Variants in UPF2 observed in about 807,000 individuals in gnomAD.
UPF2 encodes UPF2 regulator of nonsense mediated mRNA decay, also known as regulator of nonsense transcripts 2.
UPF2 carries 17 observed loss-of-function variants against 141.4 expected under a neutral mutation model. The ratio of observed to expected loss-of-function variants is 0.12; its 90% CI spans 0.08 to 0.18. The LOEUF (loss-of-function observed/expected upper bound fraction) is 0.18, where lower values mean the gene tolerates loss of function less well. Ranked by LOEUF, UPF2 falls within the 10% of genes least tolerant of loss-of-function variation. The probability of loss-of-function intolerance (pLI) is 1.00; values close to 1 mark genes in which losing one functional copy is unlikely to be tolerated. For synonymous variants in UPF2, 540 were observed against 498.0 expected (o/e 1.08, Z -1.12); for missense variants, 1,152 against 1,515.9 (o/e 0.76, Z 3.99).
rs138138517 is a variant in UPF2 at position 11,979,523 on chromosome 10, C to T, written c.1845-358G>A. ...TGCATATTTACAAATCTCAAGGTAA[C>T]TTCTCTAGTGCAAGACAAAATCCTT... On this transcript the variant is annotated intron_variant, in intron 8 of 21. Coordinates refer to ENST00000357604, the MANE Select transcript of UPF2 (RefSeq NM_015542.4). The surrounding 1 kb of genome is among the most constrained non-coding windows in gnomAD (Gnocchi z 6.2). Among the ~76,000 whole-genome samples the T allele has an allele frequency of 4.1e-3, 628 of 152,292 alleles. 5 individuals are homozygous for T. Among genetic ancestry groups the T allele is most frequent in the African/African-American group, 0.014 (591 of 41,554 alleles).
chr10:11,942,766 T>G lies in UPF2; in HGVS notation c.3280-3A>C. ...CCACCGCCTTTAATCATTACCTCCT[T>G]ATTAAAACAAAACAACAAAATCAGA... On this transcript the variant is annotated splice_region_variant and splice_polypyrimidine_tract_variant and intron_variant, in intron 17 of 21. Coordinates refer to ENST00000357604, the MANE Select transcript of UPF2 (RefSeq NM_015542.4). The G allele has an allele frequency of 6.2e-7, 1 of 1,612,240 alleles. No individual in the cohort carries two copies. Among genetic ancestry groups the G allele is most frequent in the Non-Finnish European group, 8.5e-7 (1 of 1,179,138 alleles).
intron 9 of UPF2, among the ~76,000 whole-genome samples, chr10:11,972,242 T>C (rs954838407): frequency 3.3e-5 from 5 of 152,214 alleles, no homozygotes; most frequent in Admixed American, 3.3e-4. Context: ...AGAGATTTTC[T>C]ATCTTCCATA....
chr10:12,013,104 G>A (rs1324986591), intron 4 of UPF2, among the ~76,000 whole-genome samples: 21 of 146,664 alleles, frequency 1.4e-4, no homozygotes, highest in African/African-American at 4.8e-4. Context: ...CAGCCTGAGC[G>A]ACAGAGCAAG....
Position 11,921,123 on chromosome 10 carries a change from G to C in UPF2, c.*175C>G, listed in dbSNP as rs1270531156. 5 of 867,672 alleles carry C rather than the reference G, an allele frequency of 5.8e-6. No homozygotes were observed. The highest frequency in any genetic ancestry group is 1.0e-5 in the Non-Finnish European group (5 of 499,506). 53.7% of individuals were successfully genotyped at this position (867,672 alleles called of 1,614,324 possible). Reference sequence around the variant, plus strand: ...TGTCTGGAAGCGTCGGCTTGTTCCGGTGTTGGCAGAGGCTGGTGTTTCTGC... The same window carrying C: ...TGTCTGGAAGCGTCGGCTTGTTCCGCTGTTGGCAGAGGCTGGTGTTTCTGC... On this transcript the variant is annotated 3_prime_UTR_variant, in exon 22 of 22. Coordinates refer to ENST00000357604, the MANE Select transcript of UPF2 (RefSeq NM_015542.4). The surrounding 1 kb of genome is among the most constrained non-coding windows in gnomAD (Gnocchi z 5.9).
Position 11,967,427 on chromosome 10 carries a change from C to A in UPF2, c.1981G>T (p.Glu661Ter). 1 of 1,575,282 alleles carries A rather than the reference C, an allele frequency of 6.3e-7. No individual in the cohort carries two copies. Residue 661 changes from glutamate to a stop codon, truncating the protein, a stop_gained, in exon 10 of 22, where the codon GAA (glutamate) becomes TAA (stop). Transcript: ENST00000357604. LOFTEE classifies it high-confidence loss of function. ...HVRKKDQINI[E>*]TKNKTVRFIG... is the part of the protein sequence containing the mutation. ...AAACGAACAGTTTTATTCTTTGTTT[C>A]AATATTGATCTGGTCCTTTTTCCGT...
In UPF2 at chr10:11,972,038, C is replaced by T. The variant is rs1369905654; in HGVS notation, c.1954-4584G>A. Among the ~76,000 whole-genome samples the T allele has an allele frequency of 6.3e-5, 9 of 143,348 alleles. No homozygotes were observed. In the South Asian group the frequency reaches 6.6e-4, roughly 10 times the overall value. 94.0% of individuals were successfully genotyped at this position (143,348 alleles called of 152,430 possible). A position where few individuals can be genotyped will look rare whatever the true frequency, so the allele number is the denominator to read the frequency against. ...AAGATCGCACCACTGTACTCTGGCC[C>T]GGATAACAGAGCAAGACTCTGTCTC... On this transcript the variant is annotated intron_variant, in intron 9 of 21. Coordinates refer to ENST00000357604, the MANE Select transcript of UPF2 (RefSeq NM_015542.4).
At position 11,920,396 on chromosome 10, in the gene UPF2, C is replaced by T. The variant is rs1187522961; in HGVS notation, c.*902G>A. 6.6e-6 allele frequency: 1 copy of T among 152,094 alleles called. No individual in the cohort carries two copies. The highest frequency in any genetic ancestry group is 2.4e-5 in the African/African-American group (1 of 41,426). 9.4% of individuals were successfully genotyped at this position (152,094 alleles called of 1,614,324 possible). ...AGCAAAATAAAAGCTCTACTTGTTT[C>T]CATACTTTGTTTAGAGACAGAGGCT... On this transcript the variant is annotated 3_prime_UTR_variant, in exon 22 of 22. Coordinates refer to ENST00000357604, the MANE Select transcript of UPF2 (RefSeq NM_015542.4).
intron 3 of UPF2, among the ~76,000 whole-genome samples, chr10:12,024,325 G>C (rs745801639): frequency 6.6e-6 from 1 of 151,972 alleles, no homozygotes; most frequent in Non-Finnish European, 1.5e-5. Flanking sequence ...AGTTTGGGAT[G>C]GGGGGTGGGC....
At chr10:12,005,638 A>G (rs543848999) in intron 4 of UPF2, among the ~76,000 whole-genome samples, 1 of 152,248 alleles carries the variant, frequency 6.6e-6, no homozygotes, top group Non-Finnish European at 1.5e-5. Context: ...GCGCAACATC[A>G]GCTCACTGCA....
At chr10:11,991,381 T>C (rs1484305909) in intron 8 of UPF2, among the ~76,000 whole-genome samples, 3 of 152,150 alleles carry the variant, frequency 2.0e-5, no homozygotes, top group Admixed American at 6.6e-5. Context: ...ATATGCATCA[T>C]TGGGGTACCT....
intron 3 of UPF2, among the ~76,000 whole-genome samples, chr10:12,027,506 T>C (rs1834441593): frequency 6.6e-6 from 1 of 152,232 alleles, no homozygotes; most frequent in Non-Finnish European, 1.5e-5. Flanking sequence ...GTGAGAAGTA[T>C]GAATAAAGCA....
intron 4 of UPF2, among the ~76,000 whole-genome samples, chr10:12,009,135 T>C (rs1436127603): frequency 1.3e-5 from 2 of 152,192 alleles, no homozygotes; most frequent in East Asian, 1.9e-4. Flanking sequence ...ATAGAAAATA[T>C]GGCATCATAT....
intron 3 of UPF2, among the ~76,000 whole-genome samples, chr10:12,027,352 C>T (rs1245716779): frequency 6.6e-6 from 1 of 152,200 alleles, no homozygotes; most frequent in African/African-American, 2.4e-5. Context: ...CACACATACA[C>T]CCTCAAAGTA....
chr10:11,921,148 C>G lies in UPF2; in HGVS notation c.*150G>C, dbSNP rs764084874. 2.0e-5 allele frequency: 22 copies of G among 1,089,054 alleles called. No homozygotes were observed. In the South Asian group the frequency reaches 2.7e-4, roughly 14 times the overall value. The allele number at this position is 1,089,054 out of a possible 1,614,324, so 67.5% of individuals were successfully genotyped here. On this transcript the variant is annotated 3_prime_UTR_variant, in exon 22 of 22. Coordinates refer to ENST00000357604, the MANE Select transcript of UPF2 (RefSeq NM_015542.4). The surrounding 1 kb of genome is among the most constrained non-coding windows in gnomAD (Gnocchi z 5.9). ...GTGTTGGCAGAGGCTGGTGTTTCTG[C>G]CTCCTGGCCCCAGCCTGTCCCAGGT...
rs113931551 is a variant in UPF2 at position 11,998,545 on chromosome 10, T to C, written c.1759-788A>G. ...AGACTATAGGCATGTGTAGTTAAGG[T>C]TGAAACATAATAAAAATCGCTCCTT... On this transcript the variant is annotated intron_variant, in intron 7 of 21. Transcript: ENST00000357604. The surrounding 1 kb of genome is among the most constrained non-coding windows in gnomAD (Gnocchi z 4.5). Among the ~76,000 whole-genome samples, 2 of 151,878 alleles carry C rather than the reference T, an allele frequency of 1.3e-5. No homozygotes were observed. Among genetic ancestry groups the C allele is most frequent in the African/African-American group, 2.4e-5 (1 of 41,442 alleles).
chr10:11,994,288 A>G (rs1833829587), intron 8 of UPF2, among the ~76,000 whole-genome samples: 1 of 152,252 alleles, frequency 6.6e-6, no homozygotes, highest in South Asian at 2.1e-4. Context: ...TACATTCATC[A>G]AAAGAAACAC....
chr10:12,014,061 AT>A lies in UPF2; in HGVS notation c.1268del (p.Asn423IlefsTer52). ...GTTTGTCTTGAGGAAGATCTGGCAT[AT>A]TTTCATCCAAAAGGTCTGCTAAGGA... ...SQSLADLLDENMPDLPQDKPT... is the reference protein window; with the variant it reads ...SQSLADLLDEXMPDLPQDKPT... On this transcript the variant is annotated frameshift_variant, in exon 4 of 22. Coordinates refer to ENST00000357604, the MANE Select transcript of UPF2 (RefSeq NM_015542.4). LOFTEE classifies it high-confidence loss of function. The surrounding 1 kb of genome is among the most constrained non-coding windows in gnomAD (Gnocchi z 5.0). 6.3e-7 allele frequency: 1 copy of A among 1,587,860 alleles called. No homozygotes were observed. Among genetic ancestry groups the A allele is most frequent in the Non-Finnish European group, 8.6e-7 (1 of 1,166,604 alleles).
At chr10:12,022,623 A>G (rs932112671) in intron 3 of UPF2, among the ~76,000 whole-genome samples, 5 of 152,168 alleles carry the variant, frequency 3.3e-5, no homozygotes, top group East Asian at 3.8e-4. Context: ...CATTACAGCT[A>G]TAACACTAAA....
intron 11 of UPF2, among the ~76,000 whole-genome samples, chr10:11,963,014 TTGTC>T (rs1833264094): frequency 6.6e-6 from 1 of 152,214 alleles, no homozygotes; most frequent in African/African-American, 2.4e-5. Context: ...CTCTATTTAT[TTGTC>T]TGACTGTCCT....
Sources: gnomAD v4.1 joint callset for allele counts (sites outside exome capture counted in the v4.1 genomes callset) on GRCh38, gnomAD v4.1.1 for gene constraint, Gnocchi (gnomAD v3.1) non-coding constraint, MANE v1.5 for transcripts, NCBI Gene and HGNC (gene_info 2026-07-23, HGNC 2026-07-21) for gene names.